ACTN4: variants seen among roughly 807,000 people sequenced by gnomAD.
The protein encoded by ACTN4 is actinin alpha 4.
Under a neutral mutation model 114.2 loss-of-function variants are expected in ACTN4, and 18 were observed. That is an observed-to-expected ratio of 0.16 (90% CI 0.11 to 0.23). The LOEUF (loss-of-function observed/expected upper bound fraction) is 0.23. Among genes scored for constraint, ACTN4 ranks in the 10% least tolerant of loss-of-function variants. The pLI is 1.00. For missense variants in ACTN4, 722 were observed against 1,262.9 expected (o/e 0.57, Z 6.49); for synonymous variants, 515 against 506.3 (o/e 1.02, Z -0.23).
rs554319043 is a variant in ACTN4, at chr19:38,690,769, G to A, written c.163-9831G>A. Among the ~76,000 whole-genome samples, 22 of 152,302 alleles carry A rather than the reference G, an allele frequency of 1.4e-4. No individual in the cohort carries two copies. In the East Asian group the frequency reaches 4.2e-3, roughly 29 times the overall value. On this transcript the variant is annotated intron_variant, in intron 1 of 20. Coordinates refer to ENST00000252699, the MANE Select transcript of ACTN4 (RefSeq NM_004924.6). The stretch of plus-strand genomic sequence containing the variant: ...CTGGAATTAGTGGTGATTGTTGCAC[G>A]ATCTTGTGAATATACTAAAACTCCC...
At chr19:38,649,817 G>A (rs1351901583) in intron 1 of ACTN4, among the ~76,000 whole-genome samples, 1 of 152,146 alleles carries the variant, frequency 6.6e-6, no homozygotes, top group Admixed American at 6.5e-5. Flanking sequence ...CTGTTCCAAG[G>A]CAGCCTGAGG....
chr19:38,664,613 C>T (rs1170953608), intron 1 of ACTN4, among the ~76,000 whole-genome samples: 3 of 152,112 alleles, frequency 2.0e-5, no homozygotes, highest in African/African-American at 4.8e-5. Context: ...GTGGAGATAG[C>T]GAGGGTGGTG....
chr19:38,687,162 C>T (rs1329233662), intron 1 of ACTN4, among the ~76,000 whole-genome samples: 2 of 151,996 alleles, frequency 1.3e-5, no homozygotes, highest in Non-Finnish European at 2.9e-5. Context: ...GACGGCTGGT[C>T]TCTACTAATA....
intron 3 of ACTN4, among the ~76,000 whole-genome samples, chr19:38,703,236 AT>A (rs34017553): frequency 0.12 from 16,023 of 132,480 alleles, 759 homozygotes; most frequent in Middle Eastern, 0.24. Flanking sequence ...AGTTTCAGCA[AT>A]TTTTTTTTTT....
At chr19:38,660,312 G>A (rs772633427) in intron 1 of ACTN4, among the ~76,000 whole-genome samples, 1 of 152,172 alleles carries the variant, frequency 6.6e-6, no homozygotes, top group Non-Finnish European at 1.5e-5. Context: ...ATAGGATTAT[G>A]TGCAATAAAT....
chr19:38,691,468 G>A (rs1167589910), intron 1 of ACTN4, among the ~76,000 whole-genome samples: 1 of 151,810 alleles, frequency 6.6e-6, no homozygotes, highest in African/African-American at 2.4e-5. Flanking sequence ...ATAGCCTAGG[G>A]GAGATGACAG....
chr19:38,708,019 T>C, intron 5 of ACTN4, 98 bp from the exon 6 acceptor site: 1 of 1,260,244 alleles, frequency 7.9e-7, no homozygotes, highest in Non-Finnish European at 1.2e-6. Flanking sequence ...CAGACTGCAG[T>C]GAATGGGAAT....
Position 38,717,290 on chromosome 19 carries a change from A to G in ACTN4, c.1117A>G (p.Met373Val), listed in dbSNP as rs1968874164. The G allele has an allele frequency of 1.9e-6, 3 of 1,613,640 alleles. No individual in the cohort carries two copies. The highest frequency in any genetic ancestry group is 2.5e-6 in the Non-Finnish European group (3 of 1,179,960). ...GCGCCTCAGCAACCGGCCCGCCTTC[A>G]TGCCCTCCGAGGGCAAGATGGTCTC... ...KLRLSNRPAF[M>V]PSEGKMVSDI... The change falls in exon 10 of 21, where the codon ATG (methionine) becomes GTG (valine). Residue 373 changes from methionine to valine, a missense_variant. By Grantham distance (21) the Met-to-Val change is conservative. Around this residue, in one of 3 missense-constraint regions of ACTN4, gnomAD observed 523 missense variants for 875.9 expected, o/e 0.60. Coordinates refer to ENST00000252699, the MANE Select transcript of ACTN4 (RefSeq NM_004924.6). The surrounding 1 kb of genome is among the most constrained non-coding windows in gnomAD (Gnocchi z 4.0).
chr19:38,669,781 A>G (rs565734043), intron 1 of ACTN4, among the ~76,000 whole-genome samples: 1 of 152,280 alleles, frequency 6.6e-6, no homozygotes, highest in Non-Finnish European at 1.5e-5. Flanking sequence ...TCATGGTTGC[A>G]GCCCTGGGAT....
Position 38,729,771 on chromosome 19 carries a change from C to G in ACTN4, c.*339C>G, listed in dbSNP as rs1969417403. On this transcript the variant is annotated 3_prime_UTR_variant, in exon 21 of 21. Transcript: ENST00000252699. ...CTGGGATGCCTCACCACACCCAGGT[C>G]TCTTCCTTTGCTCTGAGGTCCCTTC... is the stretch of plus-strand genomic sequence containing the variant. 1 of 510,802 alleles carries G rather than the reference C, an allele frequency of 2.0e-6. No homozygotes were observed. The highest frequency in any genetic ancestry group is 3.8e-6 in the Non-Finnish European group (1 of 266,364). The allele number at this position is 510,802 out of a possible 1,614,324, so 31.6% of individuals were successfully genotyped here.
At chr19:38,706,883 C>A (rs1343096861) in intron 5 of ACTN4, among the ~76,000 whole-genome samples, 1 of 152,256 alleles carries the variant, frequency 6.6e-6, no homozygotes, top group Admixed American at 6.5e-5. Context: ...ACATGTCCAC[C>A]ATCCCCGTAG....
At chr19:38,674,130 G>T (rs887556653) in intron 1 of ACTN4, among the ~76,000 whole-genome samples, 2 of 152,170 alleles carry the variant, frequency 1.3e-5, no homozygotes, top group East Asian at 3.9e-4. Flanking sequence ...GGGGACAGTG[G>T]GGGACTTGCA....
intron 1 of ACTN4, among the ~76,000 whole-genome samples, chr19:38,660,937 G>T (rs147739714): frequency 2.6e-5 from 4 of 152,218 alleles, no homozygotes; most frequent in Admixed American, 1.3e-4. Context: ...TGGAGAGGAA[G>T]GTCTCAAAGA....
intron 1 of ACTN4, among the ~76,000 whole-genome samples, chr19:38,688,466 G>T (rs1269543233): frequency 6.6e-6 from 1 of 151,772 alleles, no homozygotes; most frequent in Non-Finnish European, 1.5e-5. Context: ...AGCTAGTGGG[G>T]AGGCTGAGGT....
chr19:38,665,240 GACCTGGGCTCCACACCC>G (rs1966918531), intron 1 of ACTN4, among the ~76,000 whole-genome samples: 1 of 151,952 alleles, frequency 6.6e-6, no homozygotes, highest in African/African-American at 2.4e-5. Context: ...GAGGGAGGCC[GACCTGGGCTCCACACCC>G]ACCTCCTCCA....
At chr19:38,718,885 A>T (rs1351592244) in intron 11 of ACTN4, among the ~76,000 whole-genome samples, 1 of 152,142 alleles carries the variant, frequency 6.6e-6, no homozygotes, top group East Asian at 1.9e-4. Flanking sequence ...AGGCTAGAGG[A>T]GGGCCTGCCT....
intron 1 of ACTN4, among the ~76,000 whole-genome samples, chr19:38,649,960 A>T (rs1976511780): frequency 1.3e-5 from 2 of 152,168 alleles, no homozygotes; most frequent in African/African-American, 4.8e-5. Flanking sequence ...CAGGATGGAC[A>T]GGTTGCGATA....
chr19:38,706,682 G>A (rs773280178), intron 5 of ACTN4, among the ~76,000 whole-genome samples: 1 of 152,214 alleles, frequency 6.6e-6, no homozygotes, highest in Non-Finnish European at 1.5e-5. Context: ...GCCTCCCAAA[G>A]TGCTGGGACT....
At chr19:38,728,296 T>C in intron 19 of ACTN4, 1 of 1,527,970 alleles carries the variant, frequency 6.5e-7, no homozygotes, top group African/African-American at 1.4e-5. Flanking sequence ...TCCTCTGCTA[T>C]GCCTGCGTCC....
Sources: gnomAD v4.1 joint callset for allele counts (sites outside exome capture counted in the v4.1 genomes callset) on GRCh38, gnomAD v4.1.1 for gene constraint, gnomAD v4.1.1 regional missense constraint, Gnocchi (gnomAD v3.1) non-coding constraint, MANE v1.5 for transcripts, NCBI Gene and HGNC (gene_info 2026-07-23, HGNC 2026-07-21) for gene names.